ADAMTSL1: variants seen among roughly 807,000 people sequenced by gnomAD.
ADAMTSL1 encodes the protein ADAMTS-like protein 1.
ADAMTSL1 carries 126 observed loss-of-function variants against 201.8 expected under a neutral mutation model. The observed-to-expected ratio is 0.62, with a 90% CI of 0.54 to 0.72. The LOEUF is 0.72. ADAMTSL1 is among the 30% of genes least tolerant of loss of function. The pLI, the probability that ADAMTSL1 is intolerant of heterozygous loss-of-function variation, is 0.00. For synonymous variants in ADAMTSL1, 1,121 were observed against 903.4 expected (o/e 1.24, Z -4.32); for missense variants, 2,679 against 2,277.8 (o/e 1.18, Z -3.59).
chr9:17,936,371 C>T (rs1054446679), intron 1 of ADAMTSL1, among the ~76,000 whole-genome samples: 8 of 152,152 alleles, frequency 5.3e-5, no homozygotes, highest in African/African-American at 1.2e-4. Context: ...TGCATTACCC[C>T]TAACATCAGT....
chr9:18,428,081 A>G (rs981768860), intron 2 of ADAMTSL1, among the ~76,000 whole-genome samples: 3 of 152,166 alleles, frequency 2.0e-5, no homozygotes, highest in African/African-American at 4.8e-5. Context: ...CTTTGTTTTA[A>G]ATATCTTACA....
chr9:18,092,671 C>A (rs1824080490), intron 1 of ADAMTSL1, among the ~76,000 whole-genome samples: 1 of 152,180 alleles, frequency 6.6e-6, no homozygotes, highest in Non-Finnish European at 1.5e-5. Flanking sequence ...CTCCAGAATT[C>A]CCCAGTTTCA....
chr9:18,006,279 A>G (rs1819823129), intron 1 of ADAMTSL1, among the ~76,000 whole-genome samples: 2 of 152,014 alleles, frequency 1.3e-5, no homozygotes, highest in South Asian at 2.1e-4. Context: ...TAATTAGGAC[A>G]TTCTGTTTTG....
At chr9:18,755,364 C>T (rs927564219) in intron 16 of ADAMTSL1, among the ~76,000 whole-genome samples, 26 of 152,242 alleles carry the variant, frequency 1.7e-4, no homozygotes, top group African/African-American at 6.3e-4. Flanking sequence ...TAGCTTGTTG[C>T]TATTAGGTAC....
At chr9:18,694,653 T>C (rs1831440296) in intron 13 of ADAMTSL1, among the ~76,000 whole-genome samples, 1 of 152,178 alleles carries the variant, frequency 6.6e-6, no homozygotes, top group Admixed American at 6.5e-5. Context: ...TCCAAAGGCC[T>C]TGGGCATCTC....
At chr9:18,430,252 C>G (rs1278811843) in intron 2 of ADAMTSL1, among the ~76,000 whole-genome samples, 2 of 152,148 alleles carry the variant, frequency 1.3e-5, no homozygotes, top group South Asian at 2.1e-4. Context: ...ACATTTTGAA[C>G]AAGATTTTAA....
chr9:18,615,675 CA>C (rs1825659947), intron 4 of ADAMTSL1, among the ~76,000 whole-genome samples: 1 of 152,100 alleles, frequency 6.6e-6, no homozygotes, highest in African/African-American at 2.4e-5. Context: ...TGAAATCATT[CA>C]AATCTTAAGT....
intron 4 of ADAMTSL1, among the ~76,000 whole-genome samples, chr9:18,610,237 T>C (rs1825288492): frequency 6.6e-6 from 1 of 152,096 alleles, no homozygotes; most frequent in African/African-American, 2.4e-5. Context: ...TGTGACAGAG[T>C]AAAAATTATA....
chr9:18,339,496 A>G (rs910221628), intron 2 of ADAMTSL1, among the ~76,000 whole-genome samples: 2 of 152,180 alleles, frequency 1.3e-5, no homozygotes, highest in Admixed American at 6.5e-5. Context: ...ACGCTTATAC[A>G]TTGTTGGTGG....
At chr9:18,668,021 G>T (rs1829566245) in intron 9 of ADAMTSL1, among the ~76,000 whole-genome samples, 2 of 151,802 alleles carry the variant, frequency 1.3e-5, no homozygotes. Context: ...TGGGACTTAG[G>T]CCAGGTATGT....
intron 1 of ADAMTSL1, among the ~76,000 whole-genome samples, chr9:17,961,438 A>G (rs1175669609): frequency 6.6e-6 from 1 of 151,802 alleles, no homozygotes. Context: ...TTTAGTAGAG[A>G]TGGGGTTTCT....
chr9:18,415,274 A>G (rs1478701729), intron 2 of ADAMTSL1, among the ~76,000 whole-genome samples: 2 of 152,250 alleles, frequency 1.3e-5, no homozygotes, highest in Non-Finnish European at 2.9e-5. Flanking sequence ...ATGTTGAATT[A>G]GCAGACAAAG....
At chr9:18,037,478 G>C (rs554408140) in intron 1 of ADAMTSL1, among the ~76,000 whole-genome samples, 1 of 152,180 alleles carries the variant, frequency 6.6e-6, no homozygotes, top group African/African-American at 2.4e-5. Context: ...TTAGAGACTT[G>C]CTTATATTTT....
At chr9:18,508,348 T>C (rs765676394) in intron 2 of ADAMTSL1, among the ~76,000 whole-genome samples, 15 of 152,266 alleles carry the variant, frequency 9.9e-5, no homozygotes, top group Non-Finnish European at 2.1e-4. Flanking sequence ...TTCTCCTTTT[T>C]TGTGTGTAAT....
intron 1 of ADAMTSL1, among the ~76,000 whole-genome samples, chr9:18,036,505 G>A (rs1168149104): frequency 6.6e-6 from 1 of 152,200 alleles, no homozygotes; most frequent in Non-Finnish European, 1.5e-5. Flanking sequence ...ATTTGTGGCT[G>A]TGGAGCAGGC....
At chr9:18,639,789 T>A (rs702209) in intron 7 of ADAMTSL1, among the ~76,000 whole-genome samples, 102,269 of 151,930 alleles carry the variant, frequency 0.67, 34,977 homozygotes, top group African/African-American at 0.74. Context: ...TTATCCATCA[T>A]CTTGGTCAAC....
At chr9:17,940,751 C>A (rs1271616445) in intron 1 of ADAMTSL1, among the ~76,000 whole-genome samples, 5 of 138,430 alleles carry the variant, frequency 3.6e-5, no homozygotes, top group Non-Finnish European at 6.3e-5. Flanking sequence ...AAAAATGAGA[C>A]CCTAACTCGA....
At chr9:18,241,512 A>G (rs1831061080) in intron 2 of ADAMTSL1, among the ~76,000 whole-genome samples, 1 of 152,160 alleles carries the variant, frequency 6.6e-6, no homozygotes, top group African/African-American at 2.4e-5. Flanking sequence ...TCAAGCTCTG[A>G]GTAGACTAAA....
At chr9:18,557,768 A>T (rs1821190418) in intron 3 of ADAMTSL1, among the ~76,000 whole-genome samples, 1 of 152,092 alleles carries the variant, frequency 6.6e-6, no homozygotes, top group East Asian at 1.9e-4. Context: ...AATGACTGGC[A>T]TAAGAACCAC....
Sources: gnomAD v4.1 joint callset for allele counts (sites outside exome capture counted in the v4.1 genomes callset) on GRCh38, gnomAD v4.1.1 for gene constraint, MANE v1.5 for transcripts, NCBI Gene and HGNC (gene_info 2026-07-23, HGNC 2026-07-21) for gene names.